RSRC2: variants seen among roughly 807,000 people sequenced by gnomAD.
The protein encoded by RSRC2 is arginine/serine-rich coiled-coil protein 2.
A neutral mutation model predicts 61.3 loss-of-function variants in RSRC2; 5 were observed. The observed-to-expected ratio is 0.08, with a 90% CI of 0.04 to 0.17. The LOEUF is 0.17. Ranked by LOEUF, RSRC2 falls within the 10% of genes least tolerant of loss-of-function variation. RSRC2 has a pLI of 1.00. For synonymous variants in RSRC2, 202 were observed against 166.5 expected, an observed-to-expected ratio of 1.21 and a Z score of -1.64; for missense variants, 381 against 518.8, an observed-to-expected ratio of 0.73 and a Z score of 2.58.
At position 122,503,897 on chromosome 12, in the gene RSRC2, A is replaced by T. The variant is rs1230685977; in HGVS notation, c.*1630T>A. On this transcript the variant is annotated 3_prime_UTR_variant, in exon 10 of 10. Coordinates refer to ENST00000331738, the MANE Select transcript of RSRC2 (RefSeq NM_023012.6). ...CAGGAATTCAAGACCAACCTGGGCA[A>T]CGTAACAAGACCTTGTCTTTATAAA... 1 of 152,058 alleles carries T rather than the reference A, an allele frequency of 6.6e-6. No homozygotes were observed. The highest frequency in any genetic ancestry group is 2.4e-5 in the African/African-American group (1 of 41,376). The allele number at this position is 152,058 out of a possible 1,614,324, so 9.4% of individuals were successfully genotyped here.
rs1958064036 is a variant in RSRC2, at chr12:122,505,617, A to G, written c.1215T>C (p.Ala405=). 11 of 1,614,078 alleles carry G rather than the reference A, an allele frequency of 6.8e-6. No individual in the cohort carries two copies. The highest frequency in any genetic ancestry group is 9.3e-6 in the Non-Finnish European group (11 of 1,179,984). Residue 405 remains alanine (A), a synonymous_variant, in exon 10 of 10, where the codon GCT becomes GCC. Coordinates refer to ENST00000331738, the MANE Select transcript of RSRC2 (RefSeq NM_023012.6). ...QQEEVFRNLD[A]QYEMARSQTH... ...TTTGTGATCTTGCCATTTCATACTG[A>G]GCATCTAAATTTCGAAATACTTCTT... is the stretch of plus-strand genomic sequence containing the variant.
intron 6 of RSRC2, 101 bp from the exon 7 acceptor site, chr12:122,511,289 A>G (rs889810896): frequency 1.2e-6 from 1 of 802,572 alleles, no homozygotes. Context: ...AACTTCCATA[A>G]AATTTTAAAT....
In RSRC2 at chr12:122,515,167, T is replaced by C. The variant is rs148584337; in HGVS notation, c.663A>G (p.Pro221=). 25 of 1,614,132 alleles carry C rather than the reference T, an allele frequency of 1.5e-5. No homozygotes were observed. The highest frequency in any genetic ancestry group is 2.2e-5 in the East Asian group (1 of 44,882). The change falls in exon 6 of 10, where the codon CCA becomes CCG. Residue 221 remains proline, a synonymous_variant. Transcript: ENST00000331738. ...RRFSRSLSRT[P]SPPPFRGRNT... ...TTCTGCCTCTGAAGGGAGGTGGACT[T>C]GGAGTCCGGCTTAAACTTCTGCTAA...
chr12:122,513,684 C>T (rs1339832051), intron 6 of RSRC2: 2 of 469,464 alleles, frequency 4.3e-6, no homozygotes, highest in African/African-American at 4.2e-5. Flanking sequence ...CGTGTGACTA[C>T]AACTGGTTGC....
intron 6 of RSRC2, among the ~76,000 whole-genome samples, chr12:122,511,430 A>G (rs1958502021): frequency 6.6e-6 from 1 of 152,236 alleles, no homozygotes; most frequent in Non-Finnish European, 1.5e-5. Flanking sequence ...AGAAATGGGC[A>G]TAGTTTTTAT....
At chr12:122,517,463 TAA>T in intron 4 of RSRC2, 33 bp from the exon 5 acceptor site, 1 of 1,613,078 alleles carries the variant, frequency 6.2e-7, no homozygotes, top group Non-Finnish European at 8.5e-7. Flanking sequence ...TGTAATTACT[TAA>T]AAGTTGTGTT....
intron 8 of RSRC2, 104 bp downstream of exon 8, chr12:122,508,114 C>T (rs1294198368): frequency 9.3e-7 from 1 of 1,072,024 alleles, no homozygotes; most frequent in Non-Finnish European, 1.4e-6. Context: ...ACCCCAGGTT[C>T]TTACAAAGTT....
chr12:122,517,692 C>T (rs568436877), intron 4 of RSRC2, among the ~76,000 whole-genome samples: 6 of 152,014 alleles, frequency 3.9e-5, no homozygotes, highest in South Asian at 2.1e-4. Context: ...TTTAAGCTTC[C>T]GTTTAATACT....
chr12:122,521,106 T>G (rs1959195761), intron 3 of RSRC2: 2 of 341,534 alleles, frequency 5.9e-6, no homozygotes, highest in South Asian at 4.5e-5. Flanking sequence ...ATGGAAGCTC[T>G]GTGTGACAGG....
chr12:122,518,822 AAT>A lies in RSRC2; in HGVS notation c.398+15_398+16del. On this transcript the variant is annotated intron_variant, in intron 4 of 9. Coordinates refer to ENST00000331738, the MANE Select transcript of RSRC2 (RefSeq NM_023012.6). ...AACTTGTTAGAAGGTACTACATTATAATACAACATGACTTACCTTTCACGAGA... is the reference window on the plus strand; with the variant it reads ...AACTTGTTAGAAGGTACTACATTATAACAACATGACTTACCTTTCACGAGA... 6.3e-7 allele frequency: 1 copy of A among 1,596,504 alleles called. No individual in the cohort carries two copies. The highest frequency in any genetic ancestry group is 8.6e-7 in the Non-Finnish European group (1 of 1,164,196).
In RSRC2 at chr12:122,513,885, T is replaced by C. The variant is rs890358006; in HGVS notation, c.725+1220A>G. 2.5e-5 allele frequency: 22 copies of C among 877,352 alleles called. 1 individual carries two copies. The highest frequency in any genetic ancestry group is 3.0e-5 in the Non-Finnish European group (22 of 731,444). 54.3% of individuals were successfully genotyped at this position (877,352 alleles called of 1,614,324 possible). On this transcript the variant is annotated intron_variant, in intron 6 of 9. Coordinates refer to ENST00000331738, the MANE Select transcript of RSRC2 (RefSeq NM_023012.6). ...GAGACCCCGTCTTCTCTACAAAAAA[T>C]ACAAAAATTAGCCAGGCATGCCTGT...
chr12:122,524,282 T>C (rs1260470635), intron 1 of RSRC2, among the ~76,000 whole-genome samples: 2 of 152,198 alleles, frequency 1.3e-5, no homozygotes, highest in Non-Finnish European at 2.9e-5. Context: ...TTGAGGACTA[T>C]TTCAGACTCA....
chr12:122,507,102 G>T (rs1037035296), intron 8 of RSRC2, 179 bp from the exon 9 acceptor site: 1 of 626,838 alleles, frequency 1.6e-6, no homozygotes, highest in African/African-American at 1.9e-5. Flanking sequence ...CAAGAGGTTG[G>T]CGCCGTGCTT....
At chr12:122,523,517 C>T (rs992330801) in intron 1 of RSRC2, 3 of 152,160 alleles carry the variant, frequency 2.0e-5, no homozygotes, top group African/African-American at 7.2e-5. Flanking sequence ...AGAGACTGCA[C>T]ATGGCCCACA....
chr12:122,513,518 T>TA (rs1441211745), intron 6 of RSRC2, among the ~76,000 whole-genome samples: 3 of 152,078 alleles, frequency 2.0e-5, no homozygotes. Flanking sequence ...GCTTCACTTT[T>TA]AAAAAAATCC....
intron 5 of RSRC2, among the ~76,000 whole-genome samples, 193 bp downstream of exon 5, chr12:122,517,030 TATCA>T (rs1365906973): frequency 1.3e-5 from 2 of 152,232 alleles, no homozygotes; most frequent in Admixed American, 6.5e-5. Context: ...GCAAGAGATT[TATCA>T]ATCACGAGAA....
chr12:122,505,414 AT>A lies in RSRC2; in HGVS notation c.*112del. The stretch of plus-strand genomic sequence containing the variant: ...TACAAAAATTTGTATTTTTCAATAA[AT>A]TAAAGTCAATGCAACACCCATGCAA... On this transcript the variant is annotated 3_prime_UTR_variant, in exon 10 of 10. Coordinates refer to ENST00000331738, the MANE Select transcript of RSRC2 (RefSeq NM_023012.6). 1 of 954,452 alleles carries A rather than the reference AT, an allele frequency of 1.0e-6. No individual in the cohort carries two copies. Among genetic ancestry groups the A allele is most frequent in the Non-Finnish European group, 1.6e-6 (1 of 641,828 alleles). 59.1% of individuals were successfully genotyped at this position (954,452 alleles called of 1,614,324 possible). A position where few individuals can be genotyped will look rare whatever the true frequency, so the allele number is the denominator to read the frequency against.
rs555619159 is a variant in RSRC2 at position 122,507,073 on chromosome 12, C to A, written c.1036-150G>T. 1.5e-5 allele frequency: 10 copies of A among 666,516 alleles called. No individual in the cohort carries two copies. The African/African-American group carries it at 1.6e-4, about 11-fold the overall frequency. The allele number at this position is 666,516 out of a possible 1,614,324, so 41.3% of individuals were successfully genotyped here. A position where few individuals can be genotyped will look rare whatever the true frequency, so the allele number is the denominator to read the frequency against. On this transcript the variant is annotated intron_variant, in intron 8 of 9. Coordinates refer to ENST00000331738, the MANE Select transcript of RSRC2 (RefSeq NM_023012.6). Reference sequence around the variant, plus strand: ...AATTATTTCAAGACTTAAGAAACCACAAAGCAAAGAAATACAAGCAAGAGG... The same window carrying A: ...AATTATTTCAAGACTTAAGAAACCAAAAAGCAAAGAAATACAAGCAAGAGG...
intron 9 of RSRC2, chr12:122,506,464 G>C (rs911418125): frequency 5.5e-6 from 1 of 180,734 alleles, no homozygotes; most frequent in Non-Finnish European, 1.1e-5. Context: ...TGGGGATGGA[G>C]GCTGGGCGCA....
Sources: allele counts gnomAD v4.1 joint callset (sites outside exome capture counted in the v4.1 genomes callset), GRCh38; gene constraint gnomAD v4.1.1; transcripts MANE v1.5; gene names NCBI Gene and HGNC (gene_info 2026-07-23, HGNC 2026-07-21).